The following NSMCE2 variants were observed in gnomAD, a reference collection of about 807,000 sequenced individuals.
NSMCE2 encodes the protein NSE2 SUMO ligase component of SMC5/6 complex, also known as E3 SUMO-protein ligase NSE2.
Under a neutral mutation model 23.8 loss-of-function variants are expected in NSMCE2, and 24 were observed. The observed-to-expected ratio is 1.01, with a 90% CI of 0.73 to 1.42. NSMCE2 has a LOEUF of 1.42. NSMCE2 is among the 40% of genes most tolerant of loss of function. The pLI is 0.00. For synonymous variants in NSMCE2, 92 were observed against 94.1 expected, an observed-to-expected ratio of 0.98 and a Z score of 0.13; for missense variants, 284 against 296.5, an observed-to-expected ratio of 0.96 and a Z score of 0.31.
chr8:125,239,904 T>C (rs1437135279), intron 5 of NSMCE2, among the ~76,000 whole-genome samples: 2 of 152,092 alleles, frequency 1.3e-5, no homozygotes, highest in African/African-American at 4.8e-5. Flanking sequence ...CAGAGAAAGA[T>C]GGTCACCTGA....
intron 5 of NSMCE2, among the ~76,000 whole-genome samples, chr8:125,324,458 T>C (rs1829567598): frequency 1.1e-5 from 1 of 87,860 alleles, no homozygotes; most frequent in Non-Finnish European, 2.1e-5. Flanking sequence ...ATCCACAGAA[T>C]ACTACTCAGC....
intron 5 of NSMCE2, among the ~76,000 whole-genome samples, chr8:125,297,696 A>C (rs1457340308): frequency 6.6e-6 from 1 of 152,020 alleles, no homozygotes; most frequent in South Asian, 2.1e-4. Context: ...AAAGCCAGGC[A>C]TAATAGCGTG....
chr8:125,185,816 G>T (rs914273686), intron 5 of NSMCE2, among the ~76,000 whole-genome samples: 1 of 152,080 alleles, frequency 6.6e-6, no homozygotes, highest in African/African-American at 2.4e-5. Flanking sequence ...GAGAAGAGTG[G>T]CATTCTTTTA....
intron 5 of NSMCE2, among the ~76,000 whole-genome samples, chr8:125,340,520 TCTTTA>T (rs1265170334): frequency 3.3e-5 from 5 of 152,252 alleles, no homozygotes; most frequent in African/African-American, 7.2e-5. Flanking sequence ...CATTTTATTC[TCTTTA>T]CTTGTTCCTG....
At chr8:125,279,228 G>A (rs901156460) in intron 5 of NSMCE2, among the ~76,000 whole-genome samples, 2 of 152,192 alleles carry the variant, frequency 1.3e-5, no homozygotes, top group Admixed American at 1.3e-4. Context: ...ACGTGGCTGA[G>A]CCTGGAGCAG....
At chr8:125,285,758 A>ACACACG (rs1206157928) in intron 5 of NSMCE2, among the ~76,000 whole-genome samples, 3 of 852 alleles carry the variant, frequency 3.5e-3, no homozygotes, top group Non-Finnish European at 0.011. Flanking sequence ...ATACACACGC[A>ACACACG]CACACACACA....
intron 5 of NSMCE2, among the ~76,000 whole-genome samples, chr8:125,333,737 TCTC>T (rs1468795660): frequency 2.0e-5 from 3 of 151,782 alleles, no homozygotes; most frequent in African/African-American, 7.3e-5. Flanking sequence ...ATGGTCTCGA[TCTC>T]CTGACCTCGT....
chr8:125,324,415 G>A (rs1408907808), intron 5 of NSMCE2, among the ~76,000 whole-genome samples: 6 of 142,630 alleles, frequency 4.2e-5, no homozygotes, highest in Non-Finnish European at 4.5e-5. Context: ...CCAATATCCC[G>A]TAACTGATAA....
rs532436403 is a variant in NSMCE2 at position 125,274,825 on chromosome 8, G to A, written c.419-82394G>A. Among the ~76,000 whole-genome samples, 44 of 151,808 alleles carry A rather than the reference G, an allele frequency of 2.9e-4. 1 individual carries two copies. The South Asian group carries it at 9.2e-3, about 32-fold the overall frequency. On this transcript the variant is annotated intron_variant, in intron 5 of 7. Coordinates refer to ENST00000287437, the MANE Select transcript of NSMCE2 (RefSeq NM_173685.4). ...CACGCCTGTAATCCCAGCTACTTGG[G>A]AGGCTGAGGCAGGAGAATTGCTTGA...
chr8:125,259,576 G>A (rs1356430975), intron 5 of NSMCE2, among the ~76,000 whole-genome samples: 1 of 152,050 alleles, frequency 6.6e-6, no homozygotes, highest in Non-Finnish European at 1.5e-5. Context: ...CCGGCCCCTG[G>A]CACCAAAAGT....
chr8:125,106,804 T>C (rs1818482378), intron 3 of NSMCE2, among the ~76,000 whole-genome samples: 1 of 151,962 alleles, frequency 6.6e-6, no homozygotes. Context: ...GAGACCAGCC[T>C]GGCTAACATG....
At chr8:125,319,181 G>C (rs572177525) in intron 5 of NSMCE2, among the ~76,000 whole-genome samples, 134 of 152,228 alleles carry the variant, frequency 8.8e-4, no homozygotes, top group Non-Finnish European at 1.4e-3. Context: ...ACACCACTCT[G>C]GTCATCCTGA....
chr8:125,254,557 A>G (rs867984770), intron 5 of NSMCE2, among the ~76,000 whole-genome samples: 2 of 152,202 alleles, frequency 1.3e-5, no homozygotes, highest in South Asian at 2.1e-4. Context: ...TTTTTATATA[A>G]CTGACCCACA....
intron 5 of NSMCE2, among the ~76,000 whole-genome samples, chr8:125,276,035 G>T (rs553194186): frequency 6.6e-6 from 1 of 152,066 alleles, no homozygotes; most frequent in African/African-American, 2.4e-5. Context: ...TCTGCCCCCC[G>T]CACTGGGTCT....
intron 3 of NSMCE2, among the ~76,000 whole-genome samples, chr8:125,145,482 C>T (rs1820627954): frequency 6.6e-6 from 1 of 152,046 alleles, no homozygotes; most frequent in Admixed American, 6.5e-5. Flanking sequence ...CACCAAGGCC[C>T]CACTGTGATA....
intron 5 of NSMCE2, among the ~76,000 whole-genome samples, chr8:125,230,047 A>C (rs1160652503): frequency 5.3e-5 from 8 of 152,218 alleles, no homozygotes; most frequent in Non-Finnish European, 2.9e-5. Flanking sequence ...TGTTAAAGAA[A>C]ACTCTTAAAA....
At chr8:125,265,159 A>T (rs200451724) in intron 5 of NSMCE2, among the ~76,000 whole-genome samples, 1 of 150,298 alleles carries the variant, frequency 6.7e-6, no homozygotes, top group Non-Finnish European at 1.5e-5. Flanking sequence ...GCTTTATTTA[A>T]TTTTTTTTTG....
intron 4 of NSMCE2, among the ~76,000 whole-genome samples, chr8:125,156,737 T>G (rs1306142186): frequency 6.6e-6 from 1 of 152,194 alleles, no homozygotes; most frequent in African/African-American, 2.4e-5. Context: ...TTAGATATAA[T>G]AAAGGAACAA....
In NSMCE2 at chr8:125,190,882, T is replaced by A. The variant is rs182340343; in HGVS notation, c.418+8626T>A. Among the ~76,000 whole-genome samples, 51 of 152,282 alleles carry A rather than the reference T, an allele frequency of 3.3e-4. No homozygotes were observed. The South Asian group carries it at 7.1e-3, about 21-fold the overall frequency. ...GACTTTATGTACATTATTATGATTATTTTTTGAGATGGAGTTTCGCTCTTA... is the reference window on the plus strand; with the variant it reads ...GACTTTATGTACATTATTATGATTAATTTTTGAGATGGAGTTTCGCTCTTA... On this transcript the variant is annotated intron_variant, in intron 5 of 7. Transcript: ENST00000287437.
Sources: gnomAD v4.1 joint callset for allele counts (sites outside exome capture counted in the v4.1 genomes callset) on GRCh38, gnomAD v4.1.1 for gene constraint, MANE v1.5 for transcripts, NCBI Gene and HGNC (gene_info 2026-07-23, HGNC 2026-07-21) for gene names.